Variants in SLCO3A1 observed in about 807,000 individuals in gnomAD.
SLCO3A1 encodes the protein PGE1 transporter.
Under a neutral mutation model 63.1 loss-of-function variants are expected in SLCO3A1, and 27 were observed. That is an observed-to-expected ratio of 0.43 (90% confidence interval 0.32 to 0.59). The LOEUF is 0.59. Ranked by LOEUF, SLCO3A1 falls within the 20% of genes least tolerant of loss-of-function variation. The pLI is 0.09. For synonymous variants in SLCO3A1, 473 were observed against 409.9 expected (o/e 1.15, Z -1.86); for missense variants, 773 against 945.8 (o/e 0.82, Z 2.40).
intron 2 of SLCO3A1, among the ~76,000 whole-genome samples, chr15:91,996,712 A>AT (rs1207374050): frequency 6.6e-6 from 1 of 152,204 alleles, no homozygotes; most frequent in Non-Finnish European, 1.5e-5. Context: ...AGACAGCTAA[A>AT]TGAGAGCAAC....
chr15:91,907,951 A>C (rs1229073598), intron 1 of SLCO3A1, among the ~76,000 whole-genome samples: 1 of 152,144 alleles, frequency 6.6e-6, no homozygotes, highest in Non-Finnish European at 1.5e-5. Flanking sequence ...CCAGAGAGAG[A>C]GAGCCAGCAG....
intron 2 of SLCO3A1, among the ~76,000 whole-genome samples, chr15:91,994,477 T>A (rs888787830): frequency 6.6e-6 from 1 of 152,212 alleles, no homozygotes; most frequent in African/African-American, 2.4e-5. Flanking sequence ...TTTTTTTAAA[T>A]GAACTAAGCA....
chr15:91,977,252 T>C (rs1427632182), intron 2 of SLCO3A1, among the ~76,000 whole-genome samples: 3 of 152,202 alleles, frequency 2.0e-5, no homozygotes, highest in Non-Finnish European at 2.9e-5. Context: ...TGACATGCAC[T>C]GGTCTTCCCT....
At chr15:92,130,711 C>T (rs957819792) in intron 7 of SLCO3A1, among the ~76,000 whole-genome samples, 3 of 152,118 alleles carry the variant, frequency 2.0e-5, no homozygotes, top group Non-Finnish European at 4.4e-5. Flanking sequence ...CAGCTTGGCC[C>T]AGAGTCAGAG....
At chr15:92,032,135 A>G (rs12101725) in intron 2 of SLCO3A1, among the ~76,000 whole-genome samples, 69,300 of 152,048 alleles carry the variant, frequency 0.46, 16,657 homozygotes, top group South Asian at 0.61. Flanking sequence ...GGTCTCTGCT[A>G]TAGCAATGTT....
At chr15:91,920,291 T>A (rs1484502877) in intron 2 of SLCO3A1, among the ~76,000 whole-genome samples, 1 of 152,080 alleles carries the variant, frequency 6.6e-6, no homozygotes, top group Non-Finnish European at 1.5e-5. Flanking sequence ...TGGTGCACGG[T>A]CCAGGGAGTC....
In SLCO3A1 at chr15:91,859,792, TTAA is replaced by T. The variant is rs1049690192; in HGVS notation, c.180+5713_180+5715del. Among the ~76,000 whole-genome samples, 22 of 152,198 alleles carry T rather than the reference TTAA, an allele frequency of 1.4e-4. No homozygotes were observed. Among genetic ancestry groups the T allele is most frequent in the African/African-American group, 4.8e-4 (20 of 41,446 alleles). ...GCCCAGGAAATATTAGCTATTACTA[TTAA>T]TAATAATATGGTTATGCATATTTAC... On this transcript the variant is annotated intron_variant, in intron 1 of 9. Transcript: ENST00000318445. The surrounding 1 kb of genome is among the most constrained non-coding windows in gnomAD (Gnocchi z 5.1).
chr15:91,874,694 C>T (rs1897357698), intron 1 of SLCO3A1, among the ~76,000 whole-genome samples: 1 of 152,228 alleles, frequency 6.6e-6, no homozygotes, highest in Non-Finnish European at 1.5e-5. Flanking sequence ...TAATGCCGCT[C>T]CGATCATCGC....
intron 2 of SLCO3A1, among the ~76,000 whole-genome samples, chr15:92,008,783 G>A (rs1228889429): frequency 6.6e-6 from 1 of 152,152 alleles, no homozygotes; most frequent in African/African-American, 2.4e-5. Flanking sequence ...GACCATAATC[G>A]TTTATATGAT....
At chr15:91,992,217 A>G (rs1216863608) in intron 2 of SLCO3A1, among the ~76,000 whole-genome samples, 1 of 152,270 alleles carries the variant, frequency 6.6e-6, no homozygotes, top group African/African-American at 2.4e-5. Flanking sequence ...CAAAATGAGC[A>G]TCAAGGAAGC....
chr15:91,969,503 C>T (rs372790160), intron 2 of SLCO3A1, among the ~76,000 whole-genome samples: 1 of 152,040 alleles, frequency 6.6e-6, no homozygotes, highest in African/African-American at 2.4e-5. Context: ...TAGGGGGTTT[C>T]TCCATGTTGG....
At chr15:92,004,666 G>A (rs2046293831) in intron 2 of SLCO3A1, among the ~76,000 whole-genome samples, 1 of 152,256 alleles carries the variant, frequency 6.6e-6, no homozygotes, top group Non-Finnish European at 1.5e-5. Context: ...GACACTTTGA[G>A]TTTGGCAGGG....
chr15:92,168,531 C>T (rs1443700728), downstream of SLCO3A1, among the ~76,000 whole-genome samples: 2 of 152,186 alleles, frequency 1.3e-5, no homozygotes, highest in East Asian at 1.9e-4. Context: ...GGAAGGCCAT[C>T]GTGTGCTGAT....
chr15:91,974,078 A>G (rs567160554), intron 2 of SLCO3A1, among the ~76,000 whole-genome samples: 160 of 152,010 alleles, frequency 1.1e-3, no homozygotes, highest in Non-Finnish European at 1.8e-3. Flanking sequence ...GTGTCCCTGG[A>G]CCTAAGAAAC....
rs2047948937 is a variant in SLCO3A1 at position 92,128,227 on chromosome 15, G to A, written c.1374-124G>A. On this transcript the variant is annotated intron_variant, in intron 6 of 9. Coordinates refer to ENST00000318445, the MANE Select transcript of SLCO3A1 (RefSeq NM_013272.4). ...AAAGGAAAAGGGAAGGGAGAACCAG[G>A]TAACAATCCCATAAGCAGGGTACCA... The A allele has an allele frequency of 4.0e-5, 47 of 1,170,322 alleles. No individual in the cohort carries two copies. The South Asian group carries it at 6.2e-4, about 15-fold the overall frequency. The allele number at this position is 1,170,322 out of a possible 1,614,324, so 72.5% of individuals were successfully genotyped here.
intron 2 of SLCO3A1, among the ~76,000 whole-genome samples, chr15:91,935,774 CTT>C (rs1177756140): frequency 6.6e-6 from 1 of 151,968 alleles, no homozygotes; most frequent in African/African-American, 2.4e-5. Context: ...TGTGGTCACT[CTT>C]TTAGGAGATT....
chr15:92,021,811 G>A (rs973127681), intron 2 of SLCO3A1, among the ~76,000 whole-genome samples: 4 of 152,090 alleles, frequency 2.6e-5, no homozygotes, highest in African/African-American at 9.7e-5. Flanking sequence ...AAGCACCAGG[G>A]GCACCGAGAA....
chr15:91,984,704 A>G (rs575346754), intron 2 of SLCO3A1, among the ~76,000 whole-genome samples: 5 of 152,336 alleles, frequency 3.3e-5, no homozygotes, highest in African/African-American at 1.2e-4. Context: ...ATCTCAAGAC[A>G]TAGAGATATT....
chr15:92,005,942 T>C (rs2046307348), intron 2 of SLCO3A1, among the ~76,000 whole-genome samples: 1 of 152,038 alleles, frequency 6.6e-6, no homozygotes, highest in African/African-American at 2.4e-5. Flanking sequence ...CTTCTAACTC[T>C]CACAGGAGGA....
Sources: allele counts gnomAD v4.1 joint callset (sites outside exome capture counted in the v4.1 genomes callset), GRCh38; gene constraint gnomAD v4.1.1; non-coding constraint Gnocchi (gnomAD v3.1); transcripts MANE v1.5; gene names NCBI Gene and HGNC (gene_info 2026-07-23, HGNC 2026-07-21).